CLEC12A: variants seen among roughly 807,000 people sequenced by gnomAD.
CLEC12A encodes C-type lectin domain family 12 member A.
In CLEC12A, 22 loss-of-function variants were observed where a neutral mutation model predicts 26.5. The ratio of observed to expected loss-of-function variants is 0.83; its 90% CI spans 0.59 to 1.19. CLEC12A has a LOEUF of 1.19. Among genes scored for constraint, CLEC12A ranks in the 50% most tolerant of loss-of-function variants. The pLI, the probability that CLEC12A is intolerant of heterozygous loss-of-function variation, is 0.00. For missense variants in CLEC12A, 353 were observed against 315.6 expected, an observed-to-expected ratio of 1.12 and a Z score of -0.90; for synonymous variants, 119 against 101.9, an observed-to-expected ratio of 1.17 and a Z score of -1.01.
chr12:9,961,471 C>G (rs1005362393), intron 1 of CLEC12A, among the ~76,000 whole-genome samples: 1 of 152,106 alleles, frequency 6.6e-6, no homozygotes, highest in Non-Finnish European at 1.5e-5. Context: ...TGTTGGAGAA[C>G]AAAGCCAGAA....
At chr12:9,967,345 A>T (rs1300180378), upstream of CLEC12A, among the ~76,000 whole-genome samples, 2 of 152,112 alleles carry the variant, frequency 1.3e-5, no homozygotes, top group Non-Finnish European at 2.9e-5. Flanking sequence ...CTATTTTACA[A>T]CAAGAATTAT....
intron 5 of CLEC12A, chr12:9,984,312 G>A (rs1465753018): frequency 6.6e-6 from 1 of 151,934 alleles, no homozygotes; most frequent in Non-Finnish European, 1.5e-5. Context: ...TAATCTAAAA[G>A]GTAATATTTT....
chr12:9,963,032 A>G (rs1863864863), intron 1 of CLEC12A, among the ~76,000 whole-genome samples: 1 of 152,182 alleles, frequency 6.6e-6, no homozygotes, highest in African/African-American at 2.4e-5. Context: ...TTTCATGCTA[A>G]GGGGTGATAT....
chr12:9,966,876 G>T (rs1216143173), upstream of CLEC12A, among the ~76,000 whole-genome samples: 1 of 100,310 alleles, frequency 1.0e-5, no homozygotes, highest in African/African-American at 3.8e-5. Flanking sequence ...GCTGCCAAAC[G>T]AGCCATGAAC....
intron 2 of CLEC12A, 110 bp from the exon 3 acceptor site, chr12:9,979,226 A>G (rs753117645): frequency 2.5e-5 from 25 of 987,786 alleles, no homozygotes; most frequent in Non-Finnish European, 3.8e-5. Flanking sequence ...TCACTCCTGT[A>G]GAGTAATTGC....
intron 1 of CLEC12A, among the ~76,000 whole-genome samples, chr12:9,973,189 A>G (rs1864194603): frequency 6.6e-6 from 1 of 152,156 alleles, no homozygotes; most frequent in Non-Finnish European, 1.5e-5. Context: ...GGCTAGGTGC[A>G]GTGGCTCATA....
At chr12:9,977,411 C>T (rs927176426) in intron 1 of CLEC12A, among the ~76,000 whole-genome samples, 9 of 152,190 alleles carry the variant, frequency 5.9e-5, no homozygotes, top group African/African-American at 2.2e-4. Context: ...ATGTCTCCTC[C>T]TTGTTATTTT....
At position 9,971,534 on chromosome 12, in the gene CLEC12A, C is replaced by T. The variant is rs1163877208; in HGVS notation, c.-63C>T. 4 of 1,569,558 alleles carry T rather than the reference C, an allele frequency of 2.5e-6. No individual in the cohort carries two copies. The highest frequency in any genetic ancestry group is 2.3e-5 in the East Asian group (1 of 43,464). On this transcript the variant is annotated 5_prime_UTR_variant, in exon 1 of 6. Transcript: ENST00000304361. ...TATAGGTCCTGTTTAACATTCAGCTCTGTTAACTCACTCATCTTTTTGTGT... is the reference window on the plus strand; with the variant it reads ...TATAGGTCCTGTTTAACATTCAGCTTTGTTAACTCACTCATCTTTTTGTGT...
downstream of CLEC12A, among the ~76,000 whole-genome samples, chr12:9,986,503 G>A (rs894701281): frequency 6.6e-6 from 1 of 150,598 alleles, no homozygotes; most frequent in Non-Finnish European, 1.5e-5. Context: ...TACTTGGCCT[G>A]GTAATTTTGC....
chr12:9,995,155 A>T, exon 5 of CLEC12A: 1 of 1,612,766 alleles, frequency 6.2e-7, no homozygotes, highest in Non-Finnish European at 8.5e-7. Context: ...TTCTGAGATA[A>T]CCGAGCCATC....
chr12:9,996,823 A>G, downstream of CLEC12A: 1 of 1,613,678 alleles, frequency 6.2e-7, no homozygotes, highest in Non-Finnish European at 8.5e-7. Flanking sequence ...CCTCCAAAAT[A>G]TTTGACATAA....
chr12:9,951,764 C>T, intron 1 of CLEC12A: 1 of 248,132 alleles, frequency 4.0e-6, no homozygotes, highest in East Asian at 1.0e-4. Flanking sequence ...GATCTGAGTG[C>T]AGACCGCTTG....
At chr12:9,958,476 G>A (rs553810968) in intron 1 of CLEC12A, among the ~76,000 whole-genome samples, 5 of 152,292 alleles carry the variant, frequency 3.3e-5, no homozygotes, top group African/African-American at 9.6e-5. Flanking sequence ...TGTAAGCCAC[G>A]GGGGACTGGC....
At chr12:10,002,532 T>C in the CLEC12A span, among the ~76,000 whole-genome samples, 1 of 62,868 alleles carries the variant, frequency 1.6e-5, no homozygotes, top group Non-Finnish European at 3.7e-5. Context: ...AAGCTCCGCC[T>C]CCCGGGTTCA....
At position 9,993,411 on chromosome 12, in the gene CLEC12A, A is replaced by AG; in HGVS notation, n.1005-1607_1005-1606insG. On this transcript the variant is annotated intron_variant and non_coding_transcript_variant, in intron 4 of 4. Transcript: ENST00000449959. Reference sequence around the variant, plus strand: ...AGGAAAATAGGAAAAAAAAACAAAAAAAAAAACGATTCTCATTGTTGAGAA... The same window carrying AG: ...AGGAAAATAGGAAAAAAAAACAAAAAGAAAAAACGATTCTCATTGTTGAGAA... 2.7e-6 allele frequency: 2 copies of AG among 746,142 alleles called. 1 individual carries two copies. The highest frequency in any genetic ancestry group is 4.2e-6 in the Non-Finnish European group (2 of 473,250). 46.2% of individuals were successfully genotyped at this position (746,142 alleles called of 1,614,324 possible).
At chr12:9,971,331 AAGGAAGAAATATG>A, upstream of CLEC12A, 1 of 923,328 alleles carries the variant, frequency 1.1e-6, no homozygotes, top group Non-Finnish European at 1.3e-6. Flanking sequence ...AATTGAGAAA[AAGGAAGAAATATG>A]AGGAAGAAAG....
intron 1 of CLEC12A, among the ~76,000 whole-genome samples, chr12:9,960,658 C>T (rs1478614502): frequency 1.3e-5 from 2 of 152,206 alleles, no homozygotes; most frequent in African/African-American, 2.4e-5. Flanking sequence ...GAGACTGAAA[C>T]CGGCCCCGTT....
At chr12:9,992,804 T>C in intron 4 of CLEC12A, 1 of 185,956 alleles carries the variant, frequency 5.4e-6, no homozygotes, top group Non-Finnish European at 1.1e-5. Flanking sequence ...CAACTTATAT[T>C]AATTAAGCCC....
downstream of CLEC12A, among the ~76,000 whole-genome samples, chr12:9,988,630 C>T (rs1042928731): frequency 5.3e-5 from 8 of 152,146 alleles, no homozygotes; most frequent in Non-Finnish European, 1.0e-4. Context: ...TCATCACTGG[C>T]CATCAGAGAA....
Sources: allele counts gnomAD v4.1 joint callset (sites outside exome capture counted in the v4.1 genomes callset), GRCh38; gene constraint gnomAD v4.1.1; transcripts MANE v1.5; gene names NCBI Gene and HGNC (gene_info 2026-07-23, HGNC 2026-07-21).